Variants in TECTB observed in about 807,000 individuals in gnomAD.
The protein encoded by TECTB is beta-tectorin.
In TECTB, 45 loss-of-function variants were observed where a neutral mutation model predicts 43.3. The observed-to-expected ratio is 1.04, with a 90% CI of 0.82 to 1.33. The LOEUF is 1.33. Ranked by LOEUF, TECTB falls within the 40% of genes most tolerant of loss-of-function variation. The pLI is 0.00. For missense variants in TECTB, 399 were observed against 404.7 expected, an observed-to-expected ratio of 0.99 and a Z score of 0.12; for synonymous variants, 169 against 156.7, an observed-to-expected ratio of 1.08 and a Z score of -0.59.
rs1167313846 is a variant in TECTB at position 112,300,267 on chromosome 10, AAAGAAAGAAAGAAAAG to A, written c.907+706_907+721del. Among the ~76,000 whole-genome samples the A allele has an allele frequency of 4.1e-4, 13 of 31,702 alleles. No homozygotes were observed. In the East Asian group the frequency reaches 4.3e-3, roughly 10 times the overall value. 20.8% of individuals were successfully genotyped at this position (31,702 alleles called of 152,430 possible). ...GAAAGAAAGAAAGAAAGAAAGAAAG[AAAGAAAGAAAGAAAAG>A]AAAGAAAGAAAGAAAGAAAGAAAGA... is the stretch of plus-strand genomic sequence containing the variant. On this transcript the variant is annotated intron_variant, in intron 9 of 10. Transcript: ENST00000646139.
intron 5 of TECTB, among the ~76,000 whole-genome samples, chr10:112,286,799 G>A (rs1848458268): frequency 6.6e-6 from 1 of 152,144 alleles, no homozygotes; most frequent in African/African-American, 2.4e-5. Flanking sequence ...GCACATGCCT[G>A]TAGTCCCAGC....
At chr10:112,291,282 G>A (rs1848496966) in intron 5 of TECTB, among the ~76,000 whole-genome samples, 1 of 152,008 alleles carries the variant, frequency 6.6e-6, no homozygotes, top group Admixed American at 6.6e-5. Context: ...GAGGATAATG[G>A]CTTCCAACTC....
At chr10:112,303,014 C>A (rs917353560) in intron 10 of TECTB, 2 of 503,744 alleles carry the variant, frequency 4.0e-6, no homozygotes, top group Non-Finnish European at 7.1e-6. Context: ...AAGTTCTACA[C>A]TGAAAGCCCT....
chr10:112,299,280 C>T (rs1848575346), intron 8 of TECTB, among the ~76,000 whole-genome samples: 2 of 152,196 alleles, frequency 1.3e-5, no homozygotes. Flanking sequence ...CAAAGTAAAG[C>T]TTTCTCTTTG....
rs768602298 is a variant in TECTB, at chr10:112,283,820, C to T, written c.76+10C>T. 4.0e-5 allele frequency: 64 copies of T among 1,612,670 alleles called. No individual in the cohort carries two copies. Among genetic ancestry groups the T allele is most frequent in the Non-Finnish European group, 4.9e-5 (58 of 1,179,510 alleles). The stretch of plus-strand genomic sequence containing the variant: ...GCTCCAAATAAAGCAGGTATGTCCT[C>T]GCCAAGTCCATTTTCCTGGGACGAA... On this transcript the variant is annotated intron_variant, in intron 2 of 10. Transcript: ENST00000646139.
rs1039001445 is a variant in TECTB at position 112,304,118 on chromosome 10, C to G, written c.*806C>G. ...ATAACACGGCATTGCCCCAGTGAAA[C>G]TGCTGCTGGAAACATGACTATAAAG... On this transcript the variant is annotated 3_prime_UTR_variant, in exon 11 of 11. Coordinates refer to ENST00000646139, the MANE Select transcript of TECTB (RefSeq NM_058222.3). The G allele has an allele frequency of 6.6e-6, 1 of 152,164 alleles. No individual in the cohort carries two copies. The highest frequency in any genetic ancestry group is 2.4e-5 in the African/African-American group (1 of 41,432). The allele number at this position is 152,164 out of a possible 1,614,324, so 9.4% of individuals were successfully genotyped here. A position where few individuals can be genotyped will look rare whatever the true frequency, so the allele number is the denominator to read the frequency against.
At position 112,299,498 on chromosome 10, in the gene TECTB, G is replaced by GATAAAC; in HGVS notation, c.842_847dup (p.Lys282_Arg283insHisLys). ...TGCCTCTCTGGGTCTTCAGACCTGC[G>GATAAAC]ATAAACGGAAGCGCCTCCTGCGAGA... On this transcript the variant is annotated inframe_insertion, in exon 9 of 11. Coordinates refer to ENST00000646139, the MANE Select transcript of TECTB (RefSeq NM_058222.3). The GATAAAC allele has an allele frequency of 6.2e-7, 1 of 1,614,178 alleles. No individual in the cohort carries two copies. Among genetic ancestry groups the GATAAAC allele is most frequent in the Non-Finnish European group, 8.5e-7 (1 of 1,180,034 alleles).
At chr10:112,301,005 G>A (rs1848606722) in intron 9 of TECTB, among the ~76,000 whole-genome samples, 1 of 152,266 alleles carries the variant, frequency 6.6e-6, no homozygotes, top group Non-Finnish European at 1.5e-5. Context: ...ACCAAGCTAT[G>A]GCCAAGGGCC....
chr10:112,286,632 C>T (rs751276775), intron 5 of TECTB, among the ~76,000 whole-genome samples: 1 of 152,088 alleles, frequency 6.6e-6, no homozygotes, highest in Non-Finnish European at 1.5e-5. Context: ...ATAATACCAA[C>T]CTTCTGGCCA....
chr10:112,303,418 G>T lies in TECTB; in HGVS notation c.*106G>T. 2.8e-6 allele frequency: 4 copies of T among 1,435,054 alleles called. No individual in the cohort carries two copies. Among genetic ancestry groups the T allele is most frequent in the South Asian group, 1.2e-5 (1 of 85,846 alleles). 88.9% of individuals were successfully genotyped at this position (1,435,054 alleles called of 1,614,324 possible). A position where few individuals can be genotyped will look rare whatever the true frequency, so the allele number is the denominator to read the frequency against. ...GAACAAACAGAAGACCACATTGTTG[G>T]GGGGCAGAGAATAGCACTTTGCCAA... is the stretch of plus-strand genomic sequence containing the variant. On this transcript the variant is annotated 3_prime_UTR_variant, in exon 11 of 11. Transcript: ENST00000646139.
intron 5 of TECTB, among the ~76,000 whole-genome samples, chr10:112,286,919 T>C (rs1361852937): frequency 6.6e-6 from 1 of 151,910 alleles, no homozygotes; most frequent in African/African-American, 2.4e-5. Flanking sequence ...TGAAACTCCA[T>C]CTCAAAAAAC....
chr10:112,284,516 A>G lies in TECTB; in HGVS notation c.77-19A>G, dbSNP rs1355623480. ...TGATTACCCTAACTGATTTTAAACT[A>G]TATGTGTGCTCTTTCCAGATGTCAT... On this transcript the variant is annotated intron_variant, in intron 2 of 10. Transcript: ENST00000646139. 6.3e-6 allele frequency: 10 copies of G among 1,583,450 alleles called. No individual in the cohort carries two copies. The highest frequency in any genetic ancestry group is 5.2e-5 in the Admixed American group (3 of 57,828).
chr10:112,291,654 T>G (rs1300386039), intron 5 of TECTB, among the ~76,000 whole-genome samples: 1 of 152,248 alleles, frequency 6.6e-6, no homozygotes, highest in Non-Finnish European at 1.5e-5. Flanking sequence ...AAACTCAATC[T>G]TTCAAACAGT....
chr10:112,286,881 C>G (rs531255159), intron 5 of TECTB, among the ~76,000 whole-genome samples: 2 of 152,252 alleles, frequency 1.3e-5, no homozygotes, highest in South Asian at 4.1e-4. Flanking sequence ...AAGATCACAC[C>G]ACTGCACTCC....
At chr10:112,300,323 AAG>A (rs1419270448) in intron 9 of TECTB, among the ~76,000 whole-genome samples, 1 of 140,312 alleles carries the variant, frequency 7.1e-6, no homozygotes, top group East Asian at 2.2e-4. Context: ...AAGAAAGAGA[AAG>A]AAAAAAGAAA....
rs1848632612 is a variant in TECTB, at chr10:112,303,940, A to T, written c.*628A>T. The T allele has an allele frequency of 6.6e-6, 1 of 152,228 alleles. No homozygotes were observed. The highest frequency in any genetic ancestry group is 2.4e-5 in the African/African-American group (1 of 41,464). 9.4% of individuals were successfully genotyped at this position (152,228 alleles called of 1,614,324 possible). Reference sequence around the variant, plus strand: ...TGACCTAATTTGTTTTTATTATACCATTTGTTAAATATATAAACATGATAT... The same window carrying T: ...TGACCTAATTTGTTTTTATTATACCTTTTGTTAAATATATAAACATGATAT... On this transcript the variant is annotated 3_prime_UTR_variant, in exon 11 of 11. Transcript: ENST00000646139.
In TECTB at chr10:112,284,724, A is replaced by C. The variant is rs1848440592; in HGVS notation, c.266A>C (p.Glu89Ala). 2 of 1,582,470 alleles carry C rather than the reference A, an allele frequency of 1.3e-6. No individual in the cohort carries two copies. The highest frequency in any genetic ancestry group is 1.3e-5 in the African/African-American group (1 of 74,406). Reference sequence around the variant, plus strand: ...AAGTCCTATTGTGGAACCCAGTCTGAGGTAAGACCAGGCCACACAGTGCAG... The same window carrying C: ...AAGTCCTATTGTGGAACCCAGTCTGCGGTAAGACCAGGCCACACAGTGCAG... ...KNKSYCGTQS[E>A]YKPPIYHFYS... Residue 89 changes from glutamate to alanine, a missense_variant and splice_region_variant, in exon 3 of 11, where the codon GAG becomes GCG. Glu to Ala is a moderately radical substitution (Grantham distance 107). Coordinates refer to ENST00000646139, the MANE Select transcript of TECTB (RefSeq NM_058222.3).
chr10:112,295,287 G>C (rs1848535355), intron 7 of TECTB, among the ~76,000 whole-genome samples: 1 of 152,160 alleles, frequency 6.6e-6, no homozygotes, highest in Non-Finnish European at 1.5e-5. Context: ...TTTTTATTTA[G>C]CAAACACTTA....
At position 112,303,806 on chromosome 10, in the gene TECTB, A is replaced by G. The variant is rs142926632; in HGVS notation, c.*494A>G. The G allele has an allele frequency of 1.3e-3, 206 of 158,526 alleles. 1 individual carries two copies. Among genetic ancestry groups the G allele is most frequent in the African/African-American group, 4.1e-3 (173 of 41,688 alleles). The allele number at this position is 158,526 out of a possible 1,614,324, so 9.8% of individuals were successfully genotyped here. A position where few individuals can be genotyped will look rare whatever the true frequency, so the allele number is the denominator to read the frequency against. ...CTGAGCCCCCACGCAGGGAGTTCCA[A>G]TCTTTCAACTGATGACATGGGAGAT... On this transcript the variant is annotated 3_prime_UTR_variant, in exon 11 of 11. Coordinates refer to ENST00000646139, the MANE Select transcript of TECTB (RefSeq NM_058222.3).
Sources: gnomAD v4.1 joint callset for allele counts (sites outside exome capture counted in the v4.1 genomes callset) on GRCh38, gnomAD v4.1.1 for gene constraint, MANE v1.5 for transcripts, NCBI Gene and HGNC (gene_info 2026-07-23, HGNC 2026-07-21) for gene names.